DOCK1: variants seen among roughly 807,000 people sequenced by gnomAD.
The protein encoded by DOCK1 is dedicator of cytokinesis 1, also known as dedicator of cytokinesis protein 1.
Under a neutral mutation model 262.7 loss-of-function variants are expected in DOCK1, and 138 were observed. The observed-to-expected ratio is 0.53, with a 90% CI of 0.46 to 0.61. The LOEUF is 0.61. Among genes scored for constraint, DOCK1 ranks in the 20% least tolerant of loss-of-function variants. The pLI is 0.00. For synonymous variants in DOCK1, 866 were observed against 867.4 expected (o/e 1.00, Z 0.03); for missense variants, 1,908 against 2,370.7 (o/e 0.80, Z 4.05).
intron 1 of DOCK1, among the ~76,000 whole-genome samples, chr10:126,948,823 G>A (rs1444777673): frequency 6.6e-6 from 1 of 152,024 alleles, no homozygotes; most frequent in African/African-American, 2.4e-5. Context: ...CTCCCTCAAA[G>A]GGAACCTTGC....
intron 29 of DOCK1, among the ~76,000 whole-genome samples, chr10:127,298,455 T>TGA (rs972088118): frequency 6.6e-6 from 1 of 151,844 alleles, no homozygotes; most frequent in African/African-American, 2.4e-5. Context: ...TAGGAGGGAG[T>TGA]TTTCCCTTCA....
Position 126,924,901 on chromosome 10 carries a change from A to G in DOCK1, c.46+19338A>G, listed in dbSNP as rs545466760. Among the ~76,000 whole-genome samples the G allele has an allele frequency of 2.0e-5, 3 of 152,402 alleles. No individual in the cohort carries two copies. The East Asian group carries it at 5.8e-4, about 29-fold the overall frequency. On this transcript the variant is annotated intron_variant, in intron 1 of 51. Coordinates refer to ENST00000623213, the MANE Select transcript of DOCK1 (RefSeq NM_001290223.2). ...AGGACAAACTTTTAATAATTGTGGC[A>G]TACATACTGTAGCATTAGTACTTCC...
intron 29 of DOCK1, among the ~76,000 whole-genome samples, chr10:127,330,451 T>C (rs952419655): frequency 3.3e-5 from 5 of 151,096 alleles, no homozygotes; most frequent in Non-Finnish European, 5.9e-5. Context: ...GATGAGGGTG[T>C]GGAGAAATTG....
chr10:126,987,335 T>C (rs984029340), intron 4 of DOCK1, among the ~76,000 whole-genome samples, 186 bp from the exon 5 acceptor site: 4 of 152,230 alleles, frequency 2.6e-5, no homozygotes, highest in Non-Finnish European at 5.9e-5. Flanking sequence ...CCAAGCTCTG[T>C]ACAAATATAA....
Position 127,037,961 on chromosome 10 carries a change from C to T in DOCK1, c.2010+145C>T, listed in dbSNP as rs187259437. ...AAAATAGTGACATAGGGATTGGGTG[C>T]GGTGGCTTACGCCTGTAATCTCAGC... On this transcript the variant is annotated intron_variant, in intron 19 of 51. Coordinates refer to ENST00000623213, the MANE Select transcript of DOCK1 (RefSeq NM_001290223.2). 1,513 of 684,554 alleles carry T rather than the reference C, an allele frequency of 2.2e-3. 23 individuals are homozygous for T. In the African/African-American group the frequency reaches 0.025, roughly 11 times the overall value. The allele number at this position is 684,554 out of a possible 1,614,324, so 42.4% of individuals were successfully genotyped here.
chr10:127,377,309 T>C (rs1482988110), intron 35 of DOCK1, among the ~76,000 whole-genome samples: 1 of 152,178 alleles, frequency 6.6e-6, no homozygotes, highest in Non-Finnish European at 1.5e-5. Context: ...TCCTGGTACT[T>C]TTATTACAGA....
chr10:127,228,138 C>CA (rs2058708828), intron 27 of DOCK1, among the ~76,000 whole-genome samples: 1 of 152,140 alleles, frequency 6.6e-6, no homozygotes, highest in African/African-American at 2.4e-5. Flanking sequence ...CAGTAGTTTG[C>CA]AGACAGTAAA....
intron 27 of DOCK1, among the ~76,000 whole-genome samples, chr10:127,140,384 C>T (rs2051113958): frequency 6.6e-6 from 1 of 152,150 alleles, no homozygotes. Flanking sequence ...TGGTAGAGGG[C>T]ACTTATGAGT....
At chr10:127,378,834 C>A (rs1245312614) in intron 35 of DOCK1, among the ~76,000 whole-genome samples, 1 of 152,230 alleles carries the variant, frequency 6.6e-6, no homozygotes, top group Non-Finnish European at 1.5e-5. Flanking sequence ...ATCCTCATTA[C>A]TGAGCCGTGT....
chr10:127,315,171 T>A (rs1233567146), intron 29 of DOCK1, among the ~76,000 whole-genome samples: 1 of 151,802 alleles, frequency 6.6e-6, no homozygotes, highest in Non-Finnish European at 1.5e-5. Flanking sequence ...TCCGTGAGAG[T>A]GGGTTAGAAG....
chr10:127,378,163 A>C (rs1009873166), intron 35 of DOCK1, among the ~76,000 whole-genome samples: 2 of 149,118 alleles, frequency 1.3e-5, no homozygotes, highest in African/African-American at 4.9e-5. Context: ...TAGGCGCATC[A>C]TTACTTTGCA....
chr10:126,957,879 A>T (rs2036876093), intron 1 of DOCK1, among the ~76,000 whole-genome samples: 1 of 152,260 alleles, frequency 6.6e-6, no homozygotes, highest in Non-Finnish European at 1.5e-5. Context: ...ATATGATGGA[A>T]TACTATTCAA....
chr10:127,231,422 CT>C (rs923572760), intron 27 of DOCK1, among the ~76,000 whole-genome samples: 9 of 148,818 alleles, frequency 6.0e-5, no homozygotes, highest in South Asian at 2.1e-4. Flanking sequence ...TTTTCTTATT[CT>C]TTTTTTTTTA....
chr10:127,432,616 G>C (rs964163014), intron 47 of DOCK1, among the ~76,000 whole-genome samples: 2 of 152,092 alleles, frequency 1.3e-5, no homozygotes, highest in Non-Finnish European at 2.9e-5. Context: ...TGTATTTCAA[G>C]GACACTTGCT....
At chr10:126,927,428 G>A (rs1342746114) in intron 1 of DOCK1, among the ~76,000 whole-genome samples, 1 of 151,976 alleles carries the variant, frequency 6.6e-6, no homozygotes, top group African/African-American at 2.4e-5. Context: ...GAGGATGTCC[G>A]TGAGTTACTG....
intron 23 of DOCK1, among the ~76,000 whole-genome samples, chr10:127,091,760 G>A (rs1471878874): frequency 2.6e-5 from 4 of 152,174 alleles, no homozygotes; most frequent in Non-Finnish European, 4.4e-5. Context: ...TGACTAAGTC[G>A]TAAGACCTAG....
chr10:127,381,501 A>T (rs1025554351), intron 37 of DOCK1, 133 bp downstream of exon 37: 2 of 676,578 alleles, frequency 3.0e-6, no homozygotes, highest in Admixed American at 7.1e-5. Flanking sequence ...AAATAAATGC[A>T]AGGATATGAA....
chr10:127,421,045 T>A (rs1297436716), intron 46 of DOCK1, among the ~76,000 whole-genome samples: 1 of 151,972 alleles, frequency 6.6e-6, no homozygotes, highest in Non-Finnish European at 1.5e-5. Flanking sequence ...GCCTTCCAAG[T>A]AGCTGGGACT....
At chr10:127,130,408 G>A (rs1241993093) in intron 27 of DOCK1, among the ~76,000 whole-genome samples, 1 of 152,124 alleles carries the variant, frequency 6.6e-6, no homozygotes, top group African/African-American at 2.4e-5. Flanking sequence ...TTTATGCTAG[G>A]TGTGTGTTCA....
Sources: gnomAD v4.1 joint callset for allele counts (sites outside exome capture counted in the v4.1 genomes callset) on GRCh38, gnomAD v4.1.1 for gene constraint, MANE v1.5 for transcripts, NCBI Gene and HGNC (gene_info 2026-07-23, HGNC 2026-07-21) for gene names.